CFAP221: variants seen among roughly 807,000 people sequenced by gnomAD.
CFAP221 encodes cilia- and flagella-associated protein 221.
In CFAP221, 97 loss-of-function variants were observed where a neutral mutation model predicts 113.1. The observed-to-expected ratio is 0.86, with a 90% CI of 0.73 to 1.02. The LOEUF (loss-of-function observed/expected upper bound fraction) is 1.02, where lower values mean the gene tolerates loss of function less well. CFAP221 is among the 50% of genes least tolerant of loss of function. The probability of loss-of-function intolerance (pLI) is 0.00; values close to 1 mark genes in which losing one functional copy is unlikely to be tolerated. For synonymous variants in CFAP221, 331 were observed against 354.4 expected, an observed-to-expected ratio of 0.93 and a Z score of 0.74; for missense variants, 1,025 against 1,013.4, an observed-to-expected ratio of 1.01 and a Z score of -0.16.
At chr2:119,572,733 C>G (rs1454524498) in intron 6 of CFAP221, 1 of 559,650 alleles carries the variant, frequency 1.8e-6, no homozygotes, top group African/African-American at 1.9e-5. Context: ...AGAGGATCCA[C>G]TGTGGATCTG....
At chr2:119,656,965 G>C (rs188586966), downstream of CFAP221, among the ~76,000 whole-genome samples, 1 of 152,228 alleles carries the variant, frequency 6.6e-6, no homozygotes, top group East Asian at 1.9e-4. Context: ...GACACTGTGA[G>C]GTGACTAGAG....
intron 7 of CFAP221, among the ~76,000 whole-genome samples, chr2:119,597,113 A>T (rs72834845): frequency 0.028 from 4,204 of 152,312 alleles, 71 homozygotes; most frequent in Non-Finnish European, 0.041. Context: ...TTTATTTAGC[A>T]TAAGGATTGA....
At chr2:119,625,249 T>C (rs1434055104) in intron 14 of CFAP221, among the ~76,000 whole-genome samples, 2 of 152,138 alleles carry the variant, frequency 1.3e-5, no homozygotes, top group Admixed American at 6.5e-5. Context: ...AGCACAGTGG[T>C]AGCATTACTA....
At chr2:119,639,688 T>C in intron 20 of CFAP221, 93 bp from the exon 21 acceptor site, 1 of 1,032,156 alleles carries the variant, frequency 9.7e-7, no homozygotes, top group Non-Finnish European at 1.5e-6. Context: ...TGCTTAGCCT[T>C]TTAAGTCTGA....
At chr2:119,549,457 T>C (rs898398034) in intron 3 of CFAP221, among the ~76,000 whole-genome samples, 2 of 152,222 alleles carry the variant, frequency 1.3e-5, no homozygotes, top group Non-Finnish European at 2.9e-5. Flanking sequence ...TGCTTCATGA[T>C]TTACATGATT....
At chr2:119,640,267 T>C (rs1216434705) in intron 21 of CFAP221, among the ~76,000 whole-genome samples, 1 of 151,208 alleles carries the variant, frequency 6.6e-6, no homozygotes, top group Non-Finnish European at 1.5e-5. Context: ...CCTTCCGCAG[T>C]CTCTGTATCC....
chr2:119,591,794 G>T (rs1258022990), intron 7 of CFAP221, among the ~76,000 whole-genome samples: 1 of 152,212 alleles, frequency 6.6e-6, no homozygotes, highest in East Asian at 1.9e-4. Flanking sequence ...TCTTCCAGGA[G>T]GCTGGAAGAG....
chr2:119,621,337 A>G (rs928083351), intron 14 of CFAP221, among the ~76,000 whole-genome samples: 15 of 152,204 alleles, frequency 9.9e-5, no homozygotes, highest in Non-Finnish European at 2.1e-4. Context: ...ACACAAGAAG[A>G]GTTAACCATC....
rs1558902666 is a variant in CFAP221 at position 119,549,130 on chromosome 2, C to G, written c.185C>G (p.Pro62Arg). The G allele has an allele frequency of 4.6e-6, 7 of 1,534,788 alleles. No homozygotes were observed. The highest frequency in any genetic ancestry group is 6.1e-6 in the Non-Finnish European group (7 of 1,146,460). Residue 62 changes from proline (P) to arginine (R), a missense_variant, in exon 3 of 24, where the codon CCT (proline) becomes CGT (arginine). Coordinates refer to ENST00000413369, the MANE Select transcript of CFAP221 (RefSeq NM_001271049.2). Reference protein sequence around the residue: ...LVNNKVIQARPGIIHFGGYQV... With the variant: ...LVNNKVIQARRGIIHFGGYQV... ...AATAATAAGGTCATACAGGCAAGACCTGGCATAATACATTTTGGAGGCTAT... is the reference window on the plus strand; with the variant it reads ...AATAATAAGGTCATACAGGCAAGACGTGGCATAATACATTTTGGAGGCTAT...
chr2:119,605,128 C>G, intron 10 of CFAP221, 53 bp from the exon 11 acceptor site: 1 of 1,525,940 alleles, frequency 6.6e-7, no homozygotes, highest in Non-Finnish European at 9.1e-7. Context: ...TTTCTCTCCG[C>G]ACATGATTTT....
At chr2:119,601,075 G>A (rs994383065) in intron 7 of CFAP221, 143 bp from the exon 8 acceptor site, 8 of 817,318 alleles carry the variant, frequency 9.8e-6, no homozygotes, top group African/African-American at 1.7e-5. Context: ...CAAAAGTTAT[G>A]TGTGGATTTT....
At chr2:119,583,795 A>C (rs888697370) in intron 6 of CFAP221, among the ~76,000 whole-genome samples, 1 of 152,210 alleles carries the variant, frequency 6.6e-6, no homozygotes, top group Admixed American at 6.5e-5. Flanking sequence ...GTGTCCTTAT[A>C]AAAGAGATCT....
Position 119,644,992 on chromosome 2 carries a change from T to TCC in CFAP221, c.2226-1957_2226-1956dup, listed in dbSNP as rs748664865. Among the ~76,000 whole-genome samples the TCC allele has an allele frequency of 2.5e-3, 94 of 37,670 alleles. No homozygotes were observed. In the East Asian group the frequency reaches 0.048, roughly 19 times the overall value. The allele number at this position is 37,670 out of a possible 152,430, so 24.7% of individuals were successfully genotyped here. On this transcript the variant is annotated intron_variant, in intron 21 of 23. Coordinates refer to ENST00000413369, the MANE Select transcript of CFAP221 (RefSeq NM_001271049.2). The stretch of plus-strand genomic sequence containing the variant: ...AAATAAGTTCAGATTGGTTTCCAGG[T>TCC]CCCCCCCCCCACCCCCTCCCACCCA...
At chr2:119,640,332 C>T (rs1344708506) in intron 21 of CFAP221, among the ~76,000 whole-genome samples, 1 of 152,120 alleles carries the variant, frequency 6.6e-6, no homozygotes, top group Non-Finnish European at 1.5e-5. Flanking sequence ...CACTGTGAGA[C>T]CATGGCAATC....
At chr2:119,593,666 T>C (rs903795589) in intron 7 of CFAP221, among the ~76,000 whole-genome samples, 6 of 152,036 alleles carry the variant, frequency 3.9e-5, no homozygotes, top group African/African-American at 9.7e-5. Context: ...AGTGAAACCC[T>C]GTCTCTACTA....
At chr2:119,590,463 T>C (rs1471764009) in intron 7 of CFAP221, among the ~76,000 whole-genome samples, 1 of 152,172 alleles carries the variant, frequency 6.6e-6, no homozygotes, top group Non-Finnish European at 1.5e-5. Context: ...CCAAGCGCAC[T>C]GTACCCTGCC....
chr2:119,651,890 C>A, intron 22 of CFAP221, 84 bp from the exon 23 acceptor site: 2 of 1,078,200 alleles, frequency 1.9e-6, no homozygotes, highest in Non-Finnish European at 1.3e-6. Context: ...AATTGCATAA[C>A]TCCTAAATGA....
chr2:119,569,195 A>G (rs1431699146), intron 6 of CFAP221, among the ~76,000 whole-genome samples: 3 of 152,042 alleles, frequency 2.0e-5, no homozygotes, highest in Admixed American at 6.6e-5. Flanking sequence ...GTGCAGTGGC[A>G]CAATCTCGGC....
At chr2:119,557,578 A>G (rs1378335098) in intron 3 of CFAP221, among the ~76,000 whole-genome samples, 2 of 152,204 alleles carry the variant, frequency 1.3e-5, no homozygotes, top group Non-Finnish European at 2.9e-5. Context: ...TAGTTAATCC[A>G]TAGATTCTGA....
Sources: gnomAD v4.1 joint callset for allele counts (sites outside exome capture counted in the v4.1 genomes callset) on GRCh38, gnomAD v4.1.1 for gene constraint, MANE v1.5 for transcripts, NCBI Gene and HGNC (gene_info 2026-07-23, HGNC 2026-07-21) for gene names.